The following PRPF8 variants were observed in gnomAD, a reference collection of about 807,000 sequenced individuals.
The protein encoded by PRPF8 is pre-mRNA-processing-splicing factor 8.
PRPF8 carries 64 observed loss-of-function variants against 285.9 expected under a neutral mutation model. That is an observed-to-expected ratio of 0.22 (90% CI 0.18 to 0.28). The LOEUF (loss-of-function observed/expected upper bound fraction) is 0.28. PRPF8 is among the 10% of genes least tolerant of loss of function. PRPF8 has a pLI of 1.00. For missense variants in PRPF8, 1,426 were observed against 3,026.7 expected (o/e 0.47, Z 12.41); for synonymous variants, 1,325 against 1,118.2 (o/e 1.18, Z -3.69).
chr17:1,675,977 G>C lies in PRPF8; in HGVS notation c.2630C>G (p.Ala877Gly). The stretch of plus-strand genomic sequence containing the variant: ...GAGGTGACGCTTGATGCGGGACAGC[G>C]CCTCGTGGGGGTTATCGTAGGCCTG... Reference protein sequence around the residue: ...IEQAYDNPHEALSRIKRHLLT... With the variant: ...IEQAYDNPHEGLSRIKRHLLT... The change falls in exon 18 of 43, where the codon GCG becomes GGG. Residue 877 changes from alanine (A) to glycine (G), a missense_variant. Physicochemically the swap from Ala to Gly is moderately conservative, Grantham distance 60. Around this residue, in one of 34 missense-constraint regions of PRPF8, gnomAD observed 70 missense variants for 273.7 expected, o/e 0.26. Transcript: ENST00000304992. The surrounding 1 kb of genome is among the most constrained non-coding windows in gnomAD (Gnocchi z 6.0). The C allele has an allele frequency of 6.2e-7, 1 of 1,613,994 alleles. No individual in the cohort carries two copies. Among genetic ancestry groups the C allele is most frequent in the Non-Finnish European group, 8.5e-7 (1 of 1,180,012 alleles).
intron 7 of PRPF8, 47 bp from the exon 8 acceptor site, chr17:1,680,878 A>G: frequency 1.2e-6 from 2 of 1,614,144 alleles, no homozygotes; most frequent in Non-Finnish European, 1.7e-6. Context: ...CCCTGGCCCA[A>G]CCTAAACAGC....
Position 1,676,823 on chromosome 17 carries a change from G to A in PRPF8, c.2182-112C>T. ...GAGGATCGCTTGAGCTCAGGAGCTT[G>A]AGGCCAGCCTAAGCAACATGGTGCT... On this transcript the variant is annotated intron_variant, in intron 15 of 42. Transcript: ENST00000304992. This position sits in a 1 kb window ranked among gnomAD's most constrained non-coding sequence, Gnocchi z 6.3. 6.8e-7 allele frequency: 1 copy of A among 1,477,032 alleles called. No individual in the cohort carries two copies. Among genetic ancestry groups the A allele is most frequent in the Non-Finnish European group, 9.4e-7 (1 of 1,065,682 alleles). 91.5% of individuals were successfully genotyped at this position (1,477,032 alleles called of 1,614,324 possible).
chr17:1,670,079 C>G (rs1041954041), intron 24 of PRPF8, among the ~76,000 whole-genome samples: 1 of 152,152 alleles, frequency 6.6e-6, no homozygotes, highest in Non-Finnish European at 1.5e-5. Flanking sequence ...CTTTTTAAAT[C>G]AAATCTAACA....
rs1911540039 is a variant in PRPF8 at position 1,658,983 on chromosome 17, A to G, written c.5139-220T>C. The G allele has an allele frequency of 1.5e-6, 1 of 659,718 alleles. No individual in the cohort carries two copies. The highest frequency in any genetic ancestry group is 2.5e-5 in the Admixed American group (1 of 39,766). The allele number at this position is 659,718 out of a possible 1,614,324, so 40.9% of individuals were successfully genotyped here. A position where few individuals can be genotyped will look rare whatever the true frequency, so the allele number is the denominator to read the frequency against. ...TAAAAAAGTATGACTACGTTAAAGT[A>G]TGGAGCTAATGGAAAATACACGGAT... On this transcript the variant is annotated intron_variant, in intron 32 of 42. Transcript: ENST00000304992. This position sits in a 1 kb window ranked among gnomAD's most constrained non-coding sequence, Gnocchi z 4.1.
In PRPF8 at chr17:1,661,515, CA is replaced by C; in HGVS notation, c.4202+95del. On this transcript the variant is annotated intron_variant, in intron 26 of 42. Transcript: ENST00000304992. This position sits in a 1 kb window ranked among gnomAD's most constrained non-coding sequence, Gnocchi z 7.3. ...TCAGTAGAACCAGCCTTCTCACCTC[CA>C]TACAACCATGGCATGCTCTGACCCT... is the stretch of plus-strand genomic sequence containing the variant. 5.6e-6 allele frequency: 9 copies of C among 1,608,440 alleles called. No homozygotes were observed. Among genetic ancestry groups the C allele is most frequent in the Non-Finnish European group, 6.8e-6 (8 of 1,177,428 alleles).
At chr17:1,674,109 G>A (rs1242443152) in intron 21 of PRPF8, among the ~76,000 whole-genome samples, 6 of 152,038 alleles carry the variant, frequency 3.9e-5, no homozygotes, top group Admixed American at 2.0e-4. Context: ...TGCAAGCTCC[G>A]CCTCCCAGGT....
At position 1,651,992 on chromosome 17, in the gene PRPF8, C is replaced by T. The variant is rs1911100818; in HGVS notation, c.6370-204G>A. ...CATCGCGGACTTACCACATCAGAAT[C>T]TCCTGAGTGGGGTCCAGGAATCTGC... On this transcript the variant is annotated intron_variant, in intron 39 of 42. Coordinates refer to ENST00000304992, the MANE Select transcript of PRPF8 (RefSeq NM_006445.4). This position sits in a 1 kb window ranked among gnomAD's most constrained non-coding sequence, Gnocchi z 5.1. The T allele has an allele frequency of 4.4e-6, 3 of 678,634 alleles. No homozygotes were observed. The South Asian group carries it at 5.1e-5, about 12-fold the overall frequency. The allele number at this position is 678,634 out of a possible 1,614,324, so 42.0% of individuals were successfully genotyped here. A position where few individuals can be genotyped will look rare whatever the true frequency, so the allele number is the denominator to read the frequency against.
intron 24 of PRPF8, among the ~76,000 whole-genome samples, chr17:1,672,572 C>T (rs1174514360): frequency 2.0e-5 from 3 of 152,196 alleles, no homozygotes; most frequent in Non-Finnish European, 4.4e-5. Flanking sequence ...CGTGAGCCAC[C>T]GTGCCCGGCC....
In PRPF8 at chr17:1,673,930, A is replaced by C. The variant is rs201296304; in HGVS notation, c.3300-38T>G. ...AGGTACACTGCTGAGGCCCCAGTACACTGAGATTTGGGACACCCACAAGTC... is the reference window on the plus strand; with the variant it reads ...AGGTACACTGCTGAGGCCCCAGTACCCTGAGATTTGGGACACCCACAAGTC... On this transcript the variant is annotated intron_variant, in intron 21 of 42. Transcript: ENST00000304992. This position sits in a 1 kb window ranked among gnomAD's most constrained non-coding sequence, Gnocchi z 5.5. 2.8e-4 allele frequency: 443 copies of C among 1,606,960 alleles called. No homozygotes were observed. The African/African-American group carries it at 5.2e-3, about 19-fold the overall frequency.
intron 37 of PRPF8, chr17:1,654,958 C>T (rs903453496): frequency 5.0e-5 from 8 of 159,232 alleles, no homozygotes; most frequent in Admixed American, 4.7e-4. Context: ...TGAGAAACGT[C>T]TTTTTTTTTT....
At chr17:1,656,921 G>A (rs748466356) in intron 34 of PRPF8, among the ~76,000 whole-genome samples, 160 bp from the exon 35 acceptor site, 2 of 152,200 alleles carry the variant, frequency 1.3e-5, no homozygotes, top group Non-Finnish European at 2.9e-5. Flanking sequence ...AAATGGCCGT[G>A]TCCAATGACC....
At position 1,673,982 on chromosome 17, in the gene PRPF8, C is replaced by A; in HGVS notation, c.3300-90G>T. On this transcript the variant is annotated intron_variant, in intron 21 of 42. Coordinates refer to ENST00000304992, the MANE Select transcript of PRPF8 (RefSeq NM_006445.4). This position sits in a 1 kb window ranked among gnomAD's most constrained non-coding sequence, Gnocchi z 5.5. ...TCCAGCTCAATAGACGGAGACCCCA[C>A]CCCATCCTACCCCCACCCTCCCCGG... The A allele has an allele frequency of 9.4e-6, 13 of 1,386,132 alleles. No homozygotes were observed. Among genetic ancestry groups the A allele is most frequent in the Non-Finnish European group, 1.3e-5 (13 of 988,968 alleles). The allele number at this position is 1,386,132 out of a possible 1,614,324, so 85.9% of individuals were successfully genotyped here.
In PRPF8 at chr17:1,678,582, T is replaced by C; in HGVS notation, c.1790A>G (p.Lys597Arg). The change falls in exon 13 of 43, where the codon AAG (lysine) becomes AGG (arginine). Residue 597 changes from lysine (K) to arginine (R), a missense_variant. Lys to Arg is a conservative substitution (Grantham distance 26). Coordinates refer to ENST00000304992, the MANE Select transcript of PRPF8 (RefSeq NM_006445.4). Reference sequence around the variant, plus strand: ...GCACATGCGAATCTGTCGCATCAGCTTGTATTTGTATCGATACATGCCCGT... The same window carrying C: ...GCACATGCGAATCTGTCGCATCAGCCTGTATTTGTATCGATACATGCCCGT... ...QLTGMYRYKY[K>R]LMRQIRMCKD... The C allele has an allele frequency of 6.2e-7, 1 of 1,614,212 alleles. No homozygotes were observed. The highest frequency in any genetic ancestry group is 8.5e-7 in the Non-Finnish European group (1 of 1,180,040).
At position 1,658,834 on chromosome 17, in the gene PRPF8, C is replaced by A. The variant is rs1567678413; in HGVS notation, c.5139-71G>T. The A allele has an allele frequency of 7.5e-7, 1 of 1,328,468 alleles. No individual in the cohort carries two copies. The highest frequency in any genetic ancestry group is 1.2e-5 in the South Asian group (1 of 84,844). The allele number at this position is 1,328,468 out of a possible 1,614,324, so 82.3% of individuals were successfully genotyped here. On this transcript the variant is annotated intron_variant, in intron 32 of 42. Coordinates refer to ENST00000304992, the MANE Select transcript of PRPF8 (RefSeq NM_006445.4). This position sits in a 1 kb window ranked among gnomAD's most constrained non-coding sequence, Gnocchi z 4.1. ...CCCCAGAAACAAGACAAGCTGCCAACTCTACAGAGGAAGAAAGACTGTTCG... is the reference window on the plus strand; with the variant it reads ...CCCCAGAAACAAGACAAGCTGCCAAATCTACAGAGGAAGAAAGACTGTTCG...
intron 3 of PRPF8, among the ~76,000 whole-genome samples, chr17:1,682,547 G>A (rs1912988461): frequency 6.6e-6 from 1 of 152,110 alleles, no homozygotes; most frequent in Non-Finnish European, 1.5e-5. Flanking sequence ...TCCCTCTGGA[G>A]ACAGCTTTGC....
At position 1,653,604 on chromosome 17, in the gene PRPF8, T is replaced by C; in HGVS notation, c.6307A>G (p.Thr2103Ala). ...AGCACATTCTTGGGAAGGATGTAGG[T>C]GTAGCCAGTCTCCTTGATGTCGTCA... ...SSDDIKETGY[T>A]YILPKNVLKK... is the part of the protein sequence containing the mutation. The change falls in exon 39 of 43, where the codon ACC (threonine) becomes GCC (alanine). Residue 2103 changes from threonine (T) to alanine (A), a missense_variant. Physicochemically the swap from Thr to Ala is moderately conservative, Grantham distance 58 (BLOSUM62 0). This residue lies in a region of PRPF8 where 160 missense variants were observed against 373.7 expected (regional missense o/e 0.43). Transcript: ENST00000304992. The surrounding 1 kb of genome is among the most constrained non-coding windows in gnomAD (Gnocchi z 4.9). The C allele has an allele frequency of 6.2e-7, 1 of 1,614,178 alleles. No individual in the cohort carries two copies. Among genetic ancestry groups the C allele is most frequent in the Non-Finnish European group, 8.5e-7 (1 of 1,180,036 alleles).
chr17:1,650,987 C>A, intron 42 of PRPF8, 31 bp from the exon 43 acceptor site: 1 of 1,614,176 alleles, frequency 6.2e-7, no homozygotes. Flanking sequence ...CCAATGTTAA[C>A]AGGGCTCCTG....
chr17:1,666,082 C>T (rs1277840266), intron 24 of PRPF8, among the ~76,000 whole-genome samples: 6 of 150,706 alleles, frequency 4.0e-5, no homozygotes, highest in Admixed American at 6.6e-5. Context: ...AGGAGAATGG[C>T]GTGAACCCGG....
intron 24 of PRPF8, among the ~76,000 whole-genome samples, chr17:1,669,356 T>C (rs1371261108): frequency 5.9e-5 from 9 of 152,118 alleles, no homozygotes; most frequent in East Asian, 1.9e-4. Context: ...TCACCCACCT[T>C]GGCCTCCCAA....
Sources: gnomAD v4.1 joint callset for allele counts (sites outside exome capture counted in the v4.1 genomes callset) on GRCh38, gnomAD v4.1.1 for gene constraint, gnomAD v4.1.1 regional missense constraint, Gnocchi (gnomAD v3.1) non-coding constraint, MANE v1.5 for transcripts, NCBI Gene and HGNC (gene_info 2026-07-23, HGNC 2026-07-21) for gene names.